Variants in MED23 observed in about 807,000 individuals in gnomAD.
MED23 encodes the protein mediator of RNA polymerase II transcription subunit 23.
In MED23, 105 loss-of-function variants were observed where a neutral mutation model predicts 163.9. That is an observed-to-expected ratio of 0.64 (90% CI 0.55 to 0.75). The LOEUF (loss-of-function observed/expected upper bound fraction) is 0.75, where lower values mean the gene tolerates loss of function less well. MED23 is among the 30% of genes least tolerant of loss of function. The pLI, the probability that MED23 is intolerant of heterozygous loss-of-function variation, is 0.00. For synonymous variants in MED23, 561 were observed against 565.6 expected (o/e 0.99, Z 0.12); for missense variants, 1,054 against 1,649.0 (o/e 0.64, Z 6.25).
intron 26 of MED23, 105 bp downstream of exon 26, chr6:131,591,208 G>T: frequency 1.2e-6 from 1 of 831,366 alleles, no homozygotes; most frequent in South Asian, 1.4e-5. Context: ...TCAATCGCCT[G>T]ACCTTGTGAT....
chr6:131,575,176 A>T (rs968288220), intron 30 of MED23, among the ~76,000 whole-genome samples: 1 of 152,192 alleles, frequency 6.6e-6, no homozygotes, highest in Non-Finnish European at 1.5e-5. Flanking sequence ...TATAGTGTCA[A>T]CTAAGGGGTC....
At chr6:131,586,386 C>A (rs951280788), downstream of MED23, among the ~76,000 whole-genome samples, 2 of 146,742 alleles carry the variant, frequency 1.4e-5, no homozygotes, top group African/African-American at 5.1e-5. Flanking sequence ...GGTGACAGTA[C>A]GAGACTCCGT....
chr6:131,581,308 C>T, intron 30 of MED23: 1 of 1,613,914 alleles, frequency 6.2e-7, no homozygotes, highest in South Asian at 1.1e-5. Flanking sequence ...ATCAACACTC[C>T]ACTGACAACC....
chr6:131,600,560 A>G (rs1203322669), intron 17 of MED23, among the ~76,000 whole-genome samples: 1 of 152,256 alleles, frequency 6.6e-6, no homozygotes, highest in Non-Finnish European at 1.5e-5. Context: ...TAATGCATGT[A>G]TAAATCTCAG....
intron 11 of MED23, among the ~76,000 whole-genome samples, chr6:131,608,425 A>G (rs1776016503): frequency 6.6e-6 from 1 of 152,108 alleles, no homozygotes; most frequent in South Asian, 2.1e-4. Context: ...GATAATTCTT[A>G]TTTTAAAAAT....
intron 28 of MED23, among the ~76,000 whole-genome samples, chr6:131,588,430 C>T (rs1391868945): frequency 6.6e-6 from 1 of 152,188 alleles, no homozygotes; most frequent in Non-Finnish European, 1.5e-5. Context: ...TACTCAAATG[C>T]TCTTTGACCT....
At position 131,615,921 on chromosome 6, in the gene MED23, C is replaced by A. The variant is rs767788265; in HGVS notation, c.862G>T (p.Gly288Cys). 13 of 1,612,786 alleles carry A rather than the reference C, an allele frequency of 8.1e-6. No individual in the cohort carries two copies. The South Asian group carries it at 1.4e-4, about 18-fold the overall frequency. Residue 288 changes from glycine to cysteine, a missense_variant, in exon 10 of 29, where the codon GGT becomes TGT. This residue lies in a region of MED23 where 26 missense variants were observed against 28.4 expected (regional missense o/e 0.92). Coordinates refer to ENST00000368068, the MANE Select transcript of MED23 (RefSeq NM_004830.4). ...YSRDMVCNML[G>C]LNKQHKQRCP... ...TAGTACAGTACCTGCTTATTTAAAC[C>A]TAGCATATTGCAGACCATATCCCTG...
Position 131,605,323 on chromosome 6 carries a change from A to T in MED23, c.1530T>A (p.Pro510=), listed in dbSNP as rs745445909. The change falls in exon 14 of 29, where the codon CCT becomes CCA. Residue 510 remains proline, a synonymous_variant. Coordinates refer to ENST00000368068, the MANE Select transcript of MED23 (RefSeq NM_004830.4). ...YGNGIMRIPL[P]GTNCMASGSI... is the part of the protein sequence containing the mutation. ...ATCCTGAAGCCATACAGTTTGTTCCAGGGAGAGGTATCCTCATAATTCCAT... is the reference window on the plus strand; with the variant it reads ...ATCCTGAAGCCATACAGTTTGTTCCTGGGAGAGGTATCCTCATAATTCCAT... 3 of 1,613,440 alleles carry T rather than the reference A, an allele frequency of 1.9e-6. No individual in the cohort carries two copies. The highest frequency in any genetic ancestry group is 1.7e-6 in the Non-Finnish European group (2 of 1,179,568).
At chr6:131,607,652 G>C (rs1011584674) in intron 12 of MED23, among the ~76,000 whole-genome samples, 2 of 152,050 alleles carry the variant, frequency 1.3e-5, no homozygotes, top group Non-Finnish European at 2.9e-5. Context: ...AAAATACCCA[G>C]GGGACATACT....
chr6:131,624,817 C>T, intron 4 of MED23, 48 bp downstream of exon 4: 2 of 1,607,512 alleles, frequency 1.2e-6, no homozygotes, highest in South Asian at 2.2e-5. Context: ...TTTCCAATCA[C>T]ATATAGAAAA....
Position 131,605,407 on chromosome 6 carries a change from A to C in MED23, c.1446T>G (p.Ser482=), listed in dbSNP as rs181198165. Residue 482 remains serine (S), a synonymous_variant, in exon 14 of 29, where the codon TCT becomes TCG. Transcript: ENST00000368068. ...GTAATGTAAAACATTCTGAATTTGT[A>C]GAGTATGCATTACACAATAGAGCAA... ...YKIALLCNAY[S]TNSECFTLPM... 6.3e-5 allele frequency: 102 copies of C among 1,612,770 alleles called. 1 individual carries two copies. The East Asian group carries it at 1.9e-3, about 30-fold the overall frequency.
In MED23 at chr6:131,611,861, A is replaced by G. The variant is rs1315790761; in HGVS notation, c.877-1615T>C. Among the ~76,000 whole-genome samples the G allele has an allele frequency of 3.3e-5, 5 of 152,066 alleles. No homozygotes were observed. In the South Asian group the frequency reaches 6.2e-4, roughly 19 times the overall value. On this transcript the variant is annotated intron_variant, in intron 10 of 28. Coordinates refer to ENST00000368068, the MANE Select transcript of MED23 (RefSeq NM_004830.4). Reference sequence around the variant, plus strand: ...AGGAAAAAAGAGCAAACTAAATAAAACTAGTTTTTAGCACTTGAGTCACTT... The same window carrying G: ...AGGAAAAAAGAGCAAACTAAATAAAGCTAGTTTTTAGCACTTGAGTCACTT...
Position 131,628,152 on chromosome 6 carries a change from C to T in MED23, c.-103G>A, listed in dbSNP as rs568939389. ...AGGGGCGGAGACCTCTGGAGGAAAC[C>T]GTAGCTCCTCGGCGTCGCTTCCTCC... On this transcript the variant is annotated 5_prime_UTR_variant, in exon 1 of 29. Coordinates refer to ENST00000368068, the MANE Select transcript of MED23 (RefSeq NM_004830.4). 2,169 of 1,357,214 alleles carry T rather than the reference C, an allele frequency of 1.6e-3. 5 individuals are homozygous for T. The highest frequency in any genetic ancestry group is 1.9e-3 in the Non-Finnish European group (1,853 of 955,460). The allele number at this position is 1,357,214 out of a possible 1,614,324, so 84.1% of individuals were successfully genotyped here.
chr6:131,614,055 T>G (rs1215043144), intron 10 of MED23, among the ~76,000 whole-genome samples: 3 of 152,190 alleles, frequency 2.0e-5, no homozygotes, highest in Non-Finnish European at 4.4e-5. Flanking sequence ...CTTTCAAAGT[T>G]AACTGAATAC....
In MED23 at chr6:131,610,020, C is replaced by T. The variant is rs374790026; in HGVS notation, c.1077+26G>A. 4.7e-5 allele frequency: 76 copies of T among 1,603,810 alleles called. No homozygotes were observed. In the Middle Eastern group the frequency reaches 8.3e-4, roughly 17 times the overall value. On this transcript the variant is annotated intron_variant, in intron 11 of 28. Coordinates refer to ENST00000368068, the MANE Select transcript of MED23 (RefSeq NM_004830.4). ...ATACAGTAATCAACAGGTGAAGTCA[C>T]TCCGACCATAAGATTTAGTACATAC...
At chr6:131,622,204 A>T (rs1197072674) in intron 5 of MED23, among the ~76,000 whole-genome samples, 1 of 152,250 alleles carries the variant, frequency 6.6e-6, no homozygotes, top group Non-Finnish European at 1.5e-5. Flanking sequence ...GTCATTATAC[A>T]GTTTGTCAAG....
At chr6:131,578,164 A>T (rs1011477471) in intron 30 of MED23, among the ~76,000 whole-genome samples, 1 of 149,260 alleles carries the variant, frequency 6.7e-6, no homozygotes, top group Admixed American at 6.7e-5. Context: ...TTAGTGAACA[A>T]GAATTACACT....
chr6:131,576,022 A>G (rs1478952148), intron 30 of MED23, among the ~76,000 whole-genome samples: 1 of 152,168 alleles, frequency 6.6e-6, no homozygotes, highest in African/African-American at 2.4e-5. Flanking sequence ...GCTTTTGCCC[A>G]ATCGTTCCCT....
intron 3 of MED23, among the ~76,000 whole-genome samples, chr6:131,625,897 C>T (rs1777453360): frequency 6.6e-6 from 1 of 151,720 alleles, no homozygotes; most frequent in African/African-American, 2.4e-5. Flanking sequence ...CCGAGGTGGG[C>T]AGATCATGAG....
Sources: gnomAD v4.1 joint callset for allele counts (sites outside exome capture counted in the v4.1 genomes callset) on GRCh38, gnomAD v4.1.1 for gene constraint, gnomAD v4.1.1 regional missense constraint, MANE v1.5 for transcripts, NCBI Gene and HGNC (gene_info 2026-07-23, HGNC 2026-07-21) for gene names.